Variants in UNC79 observed in about 807,000 individuals in gnomAD.
The protein encoded by UNC79 is protein unc-79 homolog.
Under a neutral mutation model 283.1 loss-of-function variants are expected in UNC79, and 37 were observed. That is an observed-to-expected ratio of 0.13 (90% CI 0.10 to 0.17). UNC79 has a LOEUF of 0.17. UNC79 is among the 10% of genes least tolerant of loss of function. UNC79 has a pLI of 1.00. For synonymous variants in UNC79, 1,107 were observed against 1,200.2 expected (o/e 0.92, Z 1.61); for missense variants, 2,272 against 3,211.1 (o/e 0.71, Z 7.07).
At chr14:93,394,016 A>G (rs573738095) in intron 1 of UNC79, among the ~76,000 whole-genome samples, 1 of 152,132 alleles carries the variant, frequency 6.6e-6, no homozygotes, top group Admixed American at 6.5e-5. Context: ...CTTCCACCAA[A>G]CATTCAAGCT....
At chr14:93,499,770 T>C (rs759677151) in intron 7 of UNC79, among the ~76,000 whole-genome samples, 3 of 151,912 alleles carry the variant, frequency 2.0e-5, no homozygotes, top group Non-Finnish European at 4.4e-5. Flanking sequence ...CTCAACGGGA[T>C]GTGGGCAAGT....
chr14:93,634,471 G>A, intron 31 of UNC79, 50 bp from the exon 34 acceptor site: 1 of 1,386,758 alleles, frequency 7.2e-7, no homozygotes, highest in Non-Finnish European at 1.0e-6. Context: ...GAGCCTTTGT[G>A]TGCTGTGGAA....
At chr14:93,478,857 T>C (rs1346598144) in intron 4 of UNC79, among the ~76,000 whole-genome samples, 3 of 152,220 alleles carry the variant, frequency 2.0e-5, no homozygotes, top group Admixed American at 2.0e-4. Context: ...GGTAACCATA[T>C]ATATCTTTTG....
intron 30 of UNC79, among the ~76,000 whole-genome samples, chr14:93,624,808 C>T (rs544355323): frequency 2.6e-5 from 4 of 152,216 alleles, no homozygotes; most frequent in South Asian, 2.1e-4. Flanking sequence ...ATGACCCAGG[C>T]GTCCCCAGAC....
At chr14:93,411,422 A>T (rs2055333697) in intron 1 of UNC79, among the ~76,000 whole-genome samples, 1 of 152,136 alleles carries the variant, frequency 6.6e-6, no homozygotes, top group Admixed American at 6.5e-5. Context: ...CTGCCTGCTG[A>T]TTGTAGAGCC....
At chr14:93,668,716 G>A (rs1302227661) in intron 40 of UNC79, among the ~76,000 whole-genome samples, 4 of 151,776 alleles carry the variant, frequency 2.6e-5, no homozygotes, top group African/African-American at 7.2e-5. Context: ...ATAATGGCAC[G>A]CACCTGTAGT....
At chr14:93,573,747 C>T (rs2063328763) in intron 16 of UNC79, among the ~76,000 whole-genome samples, 1 of 152,210 alleles carries the variant, frequency 6.6e-6, no homozygotes, top group African/African-American at 2.4e-5. Context: ...TAGCTCACAC[C>T]TGTAATCCCA....
At chr14:93,565,861 T>C (rs2062845297) in intron 14 of UNC79, among the ~76,000 whole-genome samples, 1 of 152,218 alleles carries the variant, frequency 6.6e-6, no homozygotes. Flanking sequence ...CCATCCTGCA[T>C]GGGTGACTAT....
chr14:93,582,889 C>G (rs942887508), intron 20 of UNC79, among the ~76,000 whole-genome samples: 1 of 152,072 alleles, frequency 6.6e-6, no homozygotes, highest in Non-Finnish European at 1.5e-5. Context: ...TTAGGGATTT[C>G]AGGATGTGAC....
At chr14:93,645,215 TTTTG>T (rs1566846590) in intron 34 of UNC79, among the ~76,000 whole-genome samples, 1 of 152,262 alleles carries the variant, frequency 6.6e-6, no homozygotes, top group African/African-American at 2.4e-5. Flanking sequence ...GTTTTGTTTC[TTTTG>T]TTTGTTTTAA....
At chr14:93,695,847 T>C (rs2075058071) in intron 47 of UNC79, among the ~76,000 whole-genome samples, 1 of 131,304 alleles carries the variant, frequency 7.6e-6, no homozygotes, top group African/African-American at 3.0e-5. Context: ...GCCTAGATTT[T>C]GCCACTGCAG....
chr14:93,676,443 G>C (rs2140716617), intron 41 of UNC79, among the ~76,000 whole-genome samples: 1 of 152,314 alleles, frequency 6.6e-6, no homozygotes, highest in South Asian at 2.1e-4. Context: ...AAATATCCCG[G>C]GAGGGATTTA....
At chr14:93,366,664 C>T (rs1462365529) in intron 1 of UNC79, among the ~76,000 whole-genome samples, 1 of 151,580 alleles carries the variant, frequency 6.6e-6, no homozygotes, top group Non-Finnish European at 1.5e-5. Context: ...CCTCTGCCTC[C>T]GGGGTTCGAG....
chr14:93,382,556 A>C (rs2054685434), intron 1 of UNC79, among the ~76,000 whole-genome samples: 1 of 152,156 alleles, frequency 6.6e-6, no homozygotes, highest in African/African-American at 2.4e-5. Flanking sequence ...AATAGTTTGC[A>C]TACTATTTTT....
intron 47 of UNC79, 146 bp downstream of exon 50, chr14:93,694,558 C>A: frequency 1.4e-6 from 1 of 739,890 alleles, no homozygotes; most frequent in Non-Finnish European, 2.2e-6. Flanking sequence ...AACCCTTTAC[C>A]AAATGGTTAT....
Position 93,653,737 on chromosome 14 carries a change from T to C in UNC79, c.6084-5T>C. ...TCGTGTCTTTTCTCCCCTGTTCAAC[T>C]CCAGCATGATGGTTCCCGGCAATGC... On this transcript the variant is annotated splice_polypyrimidine_tract_variant and splice_region_variant and intron_variant, in intron 35 of 48. Transcript: ENST00000555664. The C allele has an allele frequency of 1.9e-6, 3 of 1,611,202 alleles. No individual in the cohort carries two copies. Among genetic ancestry groups the C allele is most frequent in the Non-Finnish European group, 1.7e-6 (2 of 1,177,926 alleles).
intron 1 of UNC79, among the ~76,000 whole-genome samples, chr14:93,452,882 A>G (rs901717499): frequency 6.6e-6 from 1 of 152,228 alleles, no homozygotes; most frequent in African/African-American, 2.4e-5. Context: ...TAAGAGTCTT[A>G]AAAGCAGTCT....
chr14:93,589,024 G>A (rs2064453547), intron 22 of UNC79, among the ~76,000 whole-genome samples: 1 of 152,152 alleles, frequency 6.6e-6, no homozygotes, highest in Non-Finnish European at 1.5e-5. Context: ...GATGATGACA[G>A]ACATTGTGTT....
intron 45 of UNC79, chr14:93,691,387 C>T: frequency 5.9e-6 from 2 of 336,420 alleles, no homozygotes; most frequent in Non-Finnish European, 1.1e-5. Flanking sequence ...CTACTATTAT[C>T]CCCATTTTAC....
Sources: gnomAD v4.1 joint callset for allele counts (sites outside exome capture counted in the v4.1 genomes callset) on GRCh38, gnomAD v4.1.1 for gene constraint, MANE v1.5 for transcripts, NCBI Gene and HGNC (gene_info 2026-07-23, HGNC 2026-07-21) for gene names.